The following LAMA2 variants were observed in gnomAD, a reference collection of about 807,000 sequenced individuals.
LAMA2 encodes the protein laminin subunit alpha 2, also known as laminin subunit alpha-2.
Under a neutral mutation model 364.8 loss-of-function variants are expected in LAMA2, and 269 were observed. That is an observed-to-expected ratio of 0.74 (90% CI 0.67 to 0.82). The LOEUF is 0.82. LAMA2 is among the 40% of genes least tolerant of loss of function. The pLI is 0.00. For synonymous variants in LAMA2, 1,379 were observed against 1,370.6 expected, an observed-to-expected ratio of 1.01 and a Z score of -0.14; for missense variants, 3,807 against 3,873.2, an observed-to-expected ratio of 0.98 and a Z score of 0.45.
intron 32 of LAMA2, among the ~76,000 whole-genome samples, chr6:129,362,425 CCT>C (rs369916946): frequency 1.3e-5 from 2 of 152,186 alleles, no homozygotes; most frequent in East Asian, 3.9e-4. Flanking sequence ...CCCCTCTTCC[CCT>C]CTCTCTTCTC....
intron 1 of LAMA2, among the ~76,000 whole-genome samples, chr6:129,004,472 A>G (rs1784316037): frequency 6.6e-6 from 1 of 151,638 alleles, no homozygotes; most frequent in Non-Finnish European, 1.5e-5. Context: ...AAATAAAATC[A>G]TATATCACTA....
intron 30 of LAMA2, among the ~76,000 whole-genome samples, chr6:129,342,941 G>GA (rs1258175384): frequency 6.6e-6 from 1 of 152,030 alleles, no homozygotes; most frequent in African/African-American, 2.4e-5. Context: ...TAAAGCAGGT[G>GA]ACTTATTGTT....
At chr6:129,057,531 A>G (rs1323666184) in intron 2 of LAMA2, among the ~76,000 whole-genome samples, 2 of 152,240 alleles carry the variant, frequency 1.3e-5, no homozygotes, top group East Asian at 3.8e-4. Context: ...TAGAACTCCT[A>G]TATCAATTTC....
rs1189514747 is a variant in LAMA2 at position 129,189,409 on chromosome 6, CCCTGTTTTT to C, written c.1468-794_1468-786del. Among the ~76,000 whole-genome samples, 6 of 152,170 alleles carry C rather than the reference CCCTGTTTTT, an allele frequency of 3.9e-5. No individual in the cohort carries two copies. The South Asian group carries it at 6.2e-4, about 16-fold the overall frequency. ...CTTTAAATTGAGAGATTATATCCTTCCCTGTTTTTCATTATATGGTCAGCTTTCACTGGC... is the reference window on the plus strand; with the variant it reads ...CTTTAAATTGAGAGATTATATCCTTCCATTATATGGTCAGCTTTCACTGGC... On this transcript the variant is annotated intron_variant, in intron 10 of 64. Transcript: ENST00000421865.
chr6:129,273,829 C>T (rs1203605075), intron 17 of LAMA2, among the ~76,000 whole-genome samples: 2 of 151,958 alleles, frequency 1.3e-5, no homozygotes, highest in Non-Finnish European at 2.9e-5. Flanking sequence ...ATACCAGTAA[C>T]ACCAAGTATT....
At chr6:129,400,016 C>T (rs2114689480) in intron 37 of LAMA2, among the ~76,000 whole-genome samples, 1 of 152,216 alleles carries the variant, frequency 6.6e-6, no homozygotes, top group East Asian at 1.9e-4. Context: ...AACTGAGTGG[C>T]TTATATGCAA....
intron 12 of LAMA2, among the ~76,000 whole-genome samples, chr6:129,238,180 A>G (rs2115148396): frequency 6.6e-6 from 1 of 152,246 alleles, no homozygotes; most frequent in African/African-American, 2.4e-5. Flanking sequence ...CTCAAAAAAA[A>G]AAAAAGGAAG....
Position 129,388,689 on chromosome 6 carries a change from A to G in LAMA2, c.5072-2802A>G, listed in dbSNP as rs185411867. Among the ~76,000 whole-genome samples the G allele has an allele frequency of 1.6e-3, 245 of 152,228 alleles. 1 individual carries two copies. Among genetic ancestry groups the G allele is most frequent in the African/African-American group, 4.0e-3 (167 of 41,536 alleles). On this transcript the variant is annotated intron_variant, in intron 35 of 64. Transcript: ENST00000421865. ...CTGATTTATACACGCACACACACAC[A>G]CGCGCGCACACACACATATTCATTT... is the stretch of plus-strand genomic sequence containing the variant.
intron 1 of LAMA2, among the ~76,000 whole-genome samples, chr6:129,010,036 T>C (rs958630734): frequency 6.6e-6 from 1 of 152,184 alleles, no homozygotes; most frequent in African/African-American, 2.4e-5. Context: ...AGCACTTGTT[T>C]GCCAGCAGCT....
chr6:129,234,275 A>G (rs1784850800), intron 12 of LAMA2, among the ~76,000 whole-genome samples: 1 of 152,220 alleles, frequency 6.6e-6, no homozygotes, highest in African/African-American at 2.4e-5. Flanking sequence ...ATGTCCAAAT[A>G]TGCAACCAAT....
At chr6:129,217,280 C>T (rs1293715018) in intron 12 of LAMA2, among the ~76,000 whole-genome samples, 1 of 152,016 alleles carries the variant, frequency 6.6e-6, no homozygotes, top group Non-Finnish European at 1.5e-5. Context: ...CCATGAGTTA[C>T]TTTCTTCCAT....
chr6:129,404,087 TA>T, intron 40 of LAMA2, 128 bp downstream of exon 40: 2 of 1,008,098 alleles, frequency 2.0e-6, no homozygotes, highest in Non-Finnish European at 3.0e-6. Context: ...AGACCTCTTT[TA>T]AAATTTGCCT....
At chr6:129,013,385 C>G (rs1426276643) in intron 1 of LAMA2, among the ~76,000 whole-genome samples, 1 of 151,568 alleles carries the variant, frequency 6.6e-6, no homozygotes, top group Non-Finnish European at 1.5e-5. Flanking sequence ...TGCAGGGAGC[C>G]GAGATCGCGC....
At chr6:129,200,326 A>G (rs1289256651) in intron 12 of LAMA2, among the ~76,000 whole-genome samples, 1 of 146,484 alleles carries the variant, frequency 6.8e-6, no homozygotes, top group Non-Finnish European at 1.5e-5. Flanking sequence ...ACGTGTACAC[A>G]TATACATATA....
chr6:129,258,465 C>T (rs892814627), intron 14 of LAMA2, among the ~76,000 whole-genome samples: 4 of 151,776 alleles, frequency 2.6e-5, no homozygotes, highest in Non-Finnish European at 5.9e-5. Flanking sequence ...GAATAGGTAA[C>T]TTCATAGCAA....
chr6:128,978,701 C>T, intron 1 of LAMA2, among the ~76,000 whole-genome samples: 1 of 152,160 alleles, frequency 6.6e-6, no homozygotes, highest in South Asian at 2.1e-4. Flanking sequence ...TGGCAAGTAT[C>T]ATTTGACTTG....
intron 40 of LAMA2, among the ~76,000 whole-genome samples, chr6:129,423,527 A>T (rs1781180970): frequency 6.6e-6 from 1 of 151,988 alleles, no homozygotes; most frequent in Admixed American, 6.6e-5. Flanking sequence ...CATCTCTACA[A>T]CCAAAAAAAA....
At chr6:129,164,180 T>C (rs1465964190) in intron 8 of LAMA2, among the ~76,000 whole-genome samples, 1 of 152,176 alleles carries the variant, frequency 6.6e-6, no homozygotes, top group Non-Finnish European at 1.5e-5. Flanking sequence ...TTTTTCTATC[T>C]GATACCTGTG....
chr6:129,204,101 C>T (rs1782468031), intron 12 of LAMA2, among the ~76,000 whole-genome samples: 1 of 152,150 alleles, frequency 6.6e-6, no homozygotes, highest in Admixed American at 6.5e-5. Flanking sequence ...TAAAAATTGA[C>T]AATCAGAGAG....
Sources: gnomAD v4.1 joint callset for allele counts (sites outside exome capture counted in the v4.1 genomes callset) on GRCh38, gnomAD v4.1.1 for gene constraint, MANE v1.5 for transcripts, NCBI Gene and HGNC (gene_info 2026-07-23, HGNC 2026-07-21) for gene names.